Variants in CCDC78 observed in about 807,000 individuals in gnomAD.
CCDC78 encodes coiled-coil domain containing 78.
In CCDC78, 78 loss-of-function variants were observed where a neutral mutation model predicts 61.9. That is an observed-to-expected ratio of 1.26 (90% confidence interval 1.05 to 1.52). The LOEUF (loss-of-function observed/expected upper bound fraction) is 1.52, where lower values mean the gene tolerates loss of function less well. Among genes scored for constraint, CCDC78 ranks in the 40% most tolerant of loss-of-function variants. The pLI is 0.00. For synonymous variants in CCDC78, 287 were observed against 251.9 expected, an observed-to-expected ratio of 1.14 and a Z score of -1.32; for missense variants, 737 against 615.5, an observed-to-expected ratio of 1.20 and a Z score of -2.09.
intron 11 of CCDC78, 138 bp downstream of exon 11, chr16:723,719 A>T: frequency 1.3e-6 from 1 of 771,288 alleles, no homozygotes; most frequent in East Asian, 2.7e-5. Context: ...CAGGGTGGGG[A>T]TGTGCCACTG....
chr16:725,355 C>T (rs866482787), intron 4 of CCDC78, 58 bp downstream of exon 4: 87 of 1,611,246 alleles, frequency 5.4e-5, no homozygotes, highest in South Asian at 3.2e-4. Context: ...CACTGAGGCC[C>T]CTGCTGAGGC....
At chr16:723,786 C>G (rs1198303055) in intron 11 of CCDC78, 71 bp downstream of exon 11, 3 of 1,438,832 alleles carry the variant, frequency 2.1e-6, no homozygotes, top group Non-Finnish European at 2.9e-6. Flanking sequence ...CAACTGGGGG[C>G]CCCAGGGTGC....
Sources: allele counts gnomAD v4.1 joint callset, GRCh38; gene constraint gnomAD v4.1.1; transcripts MANE v1.5; gene names NCBI Gene and HGNC (gene_info 2026-07-23, HGNC 2026-07-21).